Variants in IARS1 observed in about 807,000 individuals in gnomAD.
IARS1 encodes isoleucine--tRNA ligase, cytoplasmic.
IARS1 carries 124 observed loss-of-function variants against 168.2 expected under a neutral mutation model. The observed-to-expected ratio is 0.74, with a 90% CI of 0.64 to 0.86. The LOEUF (loss-of-function observed/expected upper bound fraction) is 0.86, where lower values mean the gene tolerates loss of function less well. Ranked by LOEUF, IARS1 falls within the 40% of genes least tolerant of loss-of-function variation. IARS1 has a pLI of 0.00. For missense variants in IARS1, 1,452 were observed against 1,515.8 expected (o/e 0.96, Z 0.70); for synonymous variants, 532 against 529.4 (o/e 1.00, Z -0.07).
chr9:92,217,918 C>A lies in IARS1; in HGVS notation c.3706+4602G>T, dbSNP rs1477235722. ...AAAAAGAGGGAATCCTCCCTAACTCCTTTTATGAGGCCAGCATCATTCTGA... is the reference window on the plus strand; with the variant it reads ...AAAAAGAGGGAATCCTCCCTAACTCATTTTATGAGGCCAGCATCATTCTGA... On this transcript the variant is annotated intron_variant, in intron 33 of 33. Transcript: ENST00000443024. 4.6e-5 allele frequency among the ~76,000 whole-genome samples: 7 copies of A among 151,458 alleles called. No individual in the cohort carries two copies. In the East Asian group the frequency reaches 5.8e-4, roughly 13 times the overall value.
chr9:92,244,827 C>A (rs1185530951), intron 27 of IARS1, 132 bp downstream of exon 27: 5 of 654,806 alleles, frequency 7.6e-6, no homozygotes, highest in Non-Finnish European at 1.3e-5. Context: ...TAAAGCCAAT[C>A]TAAACCAAGT....
chr9:92,249,606 A>G (rs1043843285), intron 25 of IARS1, among the ~76,000 whole-genome samples: 5 of 152,130 alleles, frequency 3.3e-5, no homozygotes, highest in African/African-American at 7.2e-5. Context: ...GACAGAAAAG[A>G]ACAGAACTTC....
intron 20 of IARS1, among the ~76,000 whole-genome samples, chr9:92,254,517 A>G (rs1447114): frequency 0.28 from 42,887 of 152,162 alleles, 7,879 homozygotes; most frequent in African/African-American, 0.51. Context: ...ACCAGAACTC[A>G]GATGTCAGTG....
intron 30 of IARS1, among the ~76,000 whole-genome samples, chr9:92,237,928 CAG>C (rs976962614): frequency 1.3e-5 from 2 of 152,080 alleles, no homozygotes; most frequent in African/African-American, 4.8e-5. Flanking sequence ...TTTTTTGAGA[CAG>C]AGTCTCGCTC....
chr9:92,245,936 T>TTG (rs369456728), intron 26 of IARS1, among the ~76,000 whole-genome samples: 191 of 151,144 alleles, frequency 1.3e-3, no homozygotes, highest in Admixed American at 3.6e-3. Context: ...CTGGCTAATT[T>TTG]TGTGTGTGTG....
At chr9:92,257,771 T>C (rs1830932048) in intron 19 of IARS1, among the ~76,000 whole-genome samples, 3 of 152,194 alleles carry the variant, frequency 2.0e-5, no homozygotes, top group Admixed American at 2.0e-4. Context: ...GCAGGAATAA[T>C]ATCTCATTTT....
chr9:92,265,416 C>T, intron 15 of IARS1, 64 bp downstream of exon 15: 1 of 1,411,742 alleles, frequency 7.1e-7, no homozygotes, highest in Middle Eastern at 1.8e-4. Flanking sequence ...CTGTAATCTG[C>T]TAGAGACCAG....
chr9:92,289,305 G>C lies in IARS1; in HGVS notation c.115C>G (p.Pro39Ala). The change falls in exon 2 of 34, where the codon CCA becomes GCA. Residue 39 changes from proline to alanine, a missense_variant. Physicochemically the swap from Pro to Ala is conservative, Grantham distance 27 (BLOSUM62 -1). Transcript: ENST00000443024. ...QECLKQSKHK[P>A]KFTFYDGPPF... is the part of the protein sequence containing the mutation. ...TAACCTAAAAAATTCACATACTTTG[G>C]TTTATGTTTTGATTGCTTTAAGCAT... is the stretch of plus-strand genomic sequence containing the variant. The C allele has an allele frequency of 7.3e-7, 1 of 1,368,594 alleles. No homozygotes were observed. Among genetic ancestry groups the C allele is most frequent in the South Asian group, 1.2e-5 (1 of 83,196 alleles). 84.8% of individuals were successfully genotyped at this position (1,368,594 alleles called of 1,614,324 possible). A position where few individuals can be genotyped will look rare whatever the true frequency, so the allele number is the denominator to read the frequency against.
chr9:92,228,926 A>C, intron 31 of IARS1, 75 bp downstream of exon 31: 2 of 1,572,160 alleles, frequency 1.3e-6, no homozygotes, highest in Non-Finnish European at 1.7e-6. Flanking sequence ...TGTATAGTAC[A>C]ACTGACAGCA....
chr9:92,251,795 C>A lies in IARS1; in HGVS notation c.2307+13G>T, dbSNP rs1209222262. On this transcript the variant is annotated intron_variant, in intron 22 of 33. Coordinates refer to ENST00000443024, the MANE Select transcript of IARS1 (RefSeq NM_002161.6). ...TAGGCCAAAGGGTACTAGAAAGAAG[C>A]CAATCATCTTACCATAAGTCTGCAA... The A allele has an allele frequency of 6.2e-7, 1 of 1,607,990 alleles. No individual in the cohort carries two copies. The highest frequency in any genetic ancestry group is 1.3e-5 in the African/African-American group (1 of 74,762).
chr9:92,267,368 T>C (rs1832426980), intron 14 of IARS1, among the ~76,000 whole-genome samples: 1 of 152,144 alleles, frequency 6.6e-6, no homozygotes, highest in African/African-American at 2.4e-5. Flanking sequence ...TTCACCAAGG[T>C]CCCCAGGGTG....
intron 30 of IARS1, among the ~76,000 whole-genome samples, chr9:92,233,359 C>G (rs1827008935): frequency 6.6e-6 from 1 of 152,200 alleles, no homozygotes; most frequent in Non-Finnish European, 1.5e-5. Context: ...CATTTAAAGT[C>G]TTGTCATCCA....
intron 31 of IARS1, 111 bp from the exon 32 acceptor site, chr9:92,223,600 C>T: frequency 1.2e-6 from 1 of 839,158 alleles, no homozygotes; most frequent in Non-Finnish European, 1.8e-6. Flanking sequence ...ATGCTTTCCA[C>T]TTAATTTCTG....
At position 92,271,643 on chromosome 9, in the gene IARS1, C is replaced by T. The variant is rs1833045897; in HGVS notation, c.1003G>A (p.Val335Ile). 1.2e-6 allele frequency: 2 copies of T among 1,614,010 alleles called. No homozygotes were observed. Among genetic ancestry groups the T allele is most frequent in the Middle Eastern group, 1.7e-4 (1 of 6,060 alleles). ...APYFGAEDYR[V>I]CMDFNIIRKD... ...CGAATAATGTTAAAGTCCATACAGA[C>T]CCGATAGTCCTCCTGAGAAAAGGCA... Residue 335 changes from valine to isoleucine, a missense_variant, in exon 11 of 34, where the codon GTC becomes ATC. By Grantham distance (29) the Val-to-Ile change is conservative. Coordinates refer to ENST00000443024, the MANE Select transcript of IARS1 (RefSeq NM_002161.6).
chr9:92,252,861 A>G (rs919712696), intron 21 of IARS1, among the ~76,000 whole-genome samples: 1 of 144,516 alleles, frequency 6.9e-6, no homozygotes, highest in Non-Finnish European at 1.5e-5. Flanking sequence ...CGCTCTCTCT[A>G]TTAAGCATCA....
At chr9:92,222,025 A>G (rs915776977) in intron 33 of IARS1, among the ~76,000 whole-genome samples, 2 of 152,202 alleles carry the variant, frequency 1.3e-5, no homozygotes, top group Admixed American at 6.5e-5. Context: ...CTATTAAAAA[A>G]TTATATTATT....
intron 30 of IARS1, among the ~76,000 whole-genome samples, chr9:92,239,889 G>C (rs1828114881): frequency 6.6e-6 from 1 of 152,112 alleles, no homozygotes; most frequent in Non-Finnish European, 1.5e-5. Context: ...CTAGAGTAGA[G>C]CAGTTACTGT....
chr9:92,263,127 T>C (rs1831768814), intron 16 of IARS1, 72 bp from the exon 17 acceptor site: 3 of 1,002,578 alleles, frequency 3.0e-6, no homozygotes, highest in Non-Finnish European at 1.5e-6. Flanking sequence ...ACTGTATTTA[T>C]TCATTGAATT....
At position 92,288,150 on chromosome 9, in the gene IARS1, T is replaced by C; in HGVS notation, c.252A>G (p.Gly84=). The C allele has an allele frequency of 6.2e-7, 1 of 1,614,012 alleles. No individual in the cohort carries two copies. Among genetic ancestry groups the C allele is most frequent in the Non-Finnish European group, 8.5e-7 (1 of 1,179,950 alleles). ...CCACAGGTAAGCCATGGCAATCCCA[T>C]CCAAATCTTCTGTCAACATGAAACC... ...QSGFHVDRRF[G]WDCHGLPVEY... Residue 84 remains glycine (G), a synonymous_variant, in exon 3 of 34, where the codon GGA becomes GGG. Coordinates refer to ENST00000443024, the MANE Select transcript of IARS1 (RefSeq NM_002161.6).
Sources: allele counts gnomAD v4.1 joint callset (sites outside exome capture counted in the v4.1 genomes callset), GRCh38; gene constraint gnomAD v4.1.1; transcripts MANE v1.5; gene names NCBI Gene and HGNC (gene_info 2026-07-23, HGNC 2026-07-21).